PLCE1: variants seen among roughly 807,000 people sequenced by gnomAD.
PLCE1 encodes phospholipase C epsilon 1, also known as 1-phosphatidylinositol 4,5-bisphosphate phosphodiesterase epsilon-1.
In PLCE1, 119 loss-of-function variants were observed where a neutral mutation model predicts 242.8. That is an observed-to-expected ratio of 0.49 (90% CI 0.42 to 0.57). The LOEUF is 0.57. Among genes scored for constraint, PLCE1 ranks in the 20% least tolerant of loss-of-function variants. PLCE1 has a pLI of 0.00. For synonymous variants in PLCE1, 945 were observed against 1,017.4 expected, an observed-to-expected ratio of 0.93 and a Z score of 1.35; for missense variants, 2,441 against 2,788.8, an observed-to-expected ratio of 0.88 and a Z score of 2.81.
chr10:94,260,610 CTATTA>C (rs1272648305), intron 13 of PLCE1, among the ~76,000 whole-genome samples: 6 of 150,820 alleles, frequency 4.0e-5, no homozygotes, highest in African/African-American at 7.3e-5. Flanking sequence ...ATTTTTTGTT[CTATTA>C]TATTTTATTA....
intron 9 of PLCE1, among the ~76,000 whole-genome samples, chr10:94,252,912 T>C (rs999211365): frequency 1.3e-5 from 2 of 152,064 alleles, no homozygotes; most frequent in African/African-American, 4.8e-5. Context: ...GGAGACAGCA[T>C]AGAGGCATAA....
intron 1 of PLCE1, among the ~76,000 whole-genome samples, chr10:94,010,524 G>A (rs2061148708): frequency 6.6e-6 from 1 of 152,098 alleles, no homozygotes; most frequent in South Asian, 2.1e-4. Flanking sequence ...CTACCACATG[G>A]CCAGGCTGTG....
Position 94,283,890 on chromosome 10 carries a change from C to T in PLCE1, c.4896C>T (p.Asn1632=). The part of the protein sequence containing the change: ...EIPKRIKKAD[N]SACNKGKVYD... ...CAAAGAGGATAAAGAAAGCAGATAA[C>T]TCTGCTTGCAACAAAGGAAAGGTGG... Residue 1632 remains asparagine (N), a synonymous_variant, in exon 21 of 33, where the codon AAC becomes AAT. Transcript: ENST00000371380. 5 of 1,611,570 alleles carry T rather than the reference C, an allele frequency of 3.1e-6. No homozygotes were observed. The highest frequency in any genetic ancestry group is 4.2e-6 in the Non-Finnish European group (5 of 1,178,188).
rs1046537351 is a variant in PLCE1, at chr10:94,019,584, A to G, written c.-364-11099A>G. On this transcript the variant is annotated intron_variant, in intron 1 of 32. Transcript: ENST00000371380. ...TTATGCGATGATGGAAATGTTCTCT[A>G]TATCTCCGCTGTCCAATATGTTTGC... Among the ~76,000 whole-genome samples the G allele has an allele frequency of 3.9e-5, 6 of 152,184 alleles. No homozygotes were observed. The South Asian group carries it at 1.2e-3, about 32-fold the overall frequency.
chr10:94,266,207 G>C (rs1340468884), intron 16 of PLCE1, among the ~76,000 whole-genome samples: 1 of 151,920 alleles, frequency 6.6e-6, no homozygotes, highest in Admixed American at 6.6e-5. Context: ...GAAAGTGTTT[G>C]TTTGAGACTC....
At position 94,293,580 on chromosome 10, in the gene PLCE1, A is replaced by T; in HGVS notation, c.5108A>T (p.Asn1703Ile). 6.2e-7 allele frequency: 1 copy of T among 1,614,054 alleles called. No homozygotes were observed. Among genetic ancestry groups the T allele is most frequent in the East Asian group, 2.2e-5 (1 of 44,856 alleles). Residue 1703 changes from asparagine to isoleucine, a missense_variant, in exon 23 of 33, where the codon AAC becomes ATC. By Grantham distance (149) the Asn-to-Ile change is moderately radical. Coordinates refer to ENST00000371380, the MANE Select transcript of PLCE1 (RefSeq NM_016341.4). ...AAAAGCAGGAAGTCCATTTTTGGCA[A>T]CAATCCGGGCAGAATGAGCCCAGGG... ...ERKSRKSIFG[N>I]NPGRMSPGET...
intron 2 of PLCE1, chr10:94,106,031 T>C (rs1010220438): frequency 6.6e-6 from 1 of 152,238 alleles, no homozygotes; most frequent in Admixed American, 6.5e-5. Context: ...CTCTCTATGA[T>C]CACACTTTTA....
Position 94,227,333 on chromosome 10 carries a change from C to T in PLCE1, c.1837C>T (p.Leu613Phe), listed in dbSNP as rs1208771113. Reference sequence around the variant, plus strand: ...GAGCTCCTGGGTGACATGGCTGATCCTCACGGCAGGCTCCATGGAGGAGAA... The same window carrying T: ...GAGCTCCTGGGTGACATGGCTGATCTTCACGGCAGGCTCCATGGAGGAGAA... ...EVSSWVTWLI[L>F]TAGSMEEKRE... The change falls in exon 5 of 33, where the codon CTC (leucine) becomes TTC (phenylalanine). Residue 613 changes from leucine (L) to phenylalanine (F), a missense_variant. Around this residue, in one of 5 missense-constraint regions of PLCE1, gnomAD observed 733 missense variants for 754.2 expected, o/e 0.97. Transcript: ENST00000371380. The T allele has an allele frequency of 6.2e-7, 1 of 1,614,002 alleles. No homozygotes were observed. Among genetic ancestry groups the T allele is most frequent in the African/African-American group, 1.3e-5 (1 of 74,936 alleles).
At chr10:94,326,519 A>G (rs2054021615) in intron 32 of PLCE1, among the ~76,000 whole-genome samples, 1 of 152,232 alleles carries the variant, frequency 6.6e-6, no homozygotes, top group African/African-American at 2.4e-5. Flanking sequence ...TTCTGTAATG[A>G]GGTGAAATTA....
intron 1 of PLCE1, among the ~76,000 whole-genome samples, chr10:94,023,950 T>G (rs1157852434): frequency 3.9e-5 from 6 of 152,114 alleles, no homozygotes; most frequent in African/African-American, 1.4e-4. Flanking sequence ...GGGAATGTTT[T>G]AAGAGGTTTG....
intron 3 of PLCE1, among the ~76,000 whole-genome samples, chr10:94,157,820 AGT>A (rs1382995553): frequency 1.3e-5 from 2 of 152,338 alleles, no homozygotes; most frequent in African/African-American, 4.8e-5. Flanking sequence ...CCTTCGAGTC[AGT>A]GTAGGCTGGT....
rs757818094 is a variant in PLCE1 at position 94,227,294 on chromosome 10, T to G, written c.1810-12T>G. 13 of 1,613,556 alleles carry G rather than the reference T, an allele frequency of 8.1e-6. 1 individual carries two copies. The South Asian group carries it at 1.4e-4, about 18-fold the overall frequency. ...GACATAATTCCCGTGAATGTCTCTG[T>G]GTGTTTTCCAGGTGAGCTCCTGGGT... On this transcript the variant is annotated splice_polypyrimidine_tract_variant and intron_variant, in intron 4 of 32. Transcript: ENST00000371380.
intron 2 of PLCE1, among the ~76,000 whole-genome samples, chr10:94,110,691 G>A (rs888705070): frequency 6.6e-6 from 1 of 152,182 alleles, no homozygotes; most frequent in Non-Finnish European, 1.5e-5. Context: ...GTGATCTTTT[G>A]CTTTTCTTTA....
At chr10:94,307,067 G>C (rs537958422) in intron 26 of PLCE1, among the ~76,000 whole-genome samples, 1 of 152,136 alleles carries the variant, frequency 6.6e-6, no homozygotes, top group African/African-American at 2.4e-5. Context: ...AGTTGGAGTC[G>C]GTGCCTGGCA....
chr10:94,000,466 A>C (rs973032941), intron 1 of PLCE1, among the ~76,000 whole-genome samples: 2 of 152,228 alleles, frequency 1.3e-5, no homozygotes, highest in African/African-American at 4.8e-5. Context: ...CTCATGTCGG[A>C]GGCTTAGAAC....
intron 1 of PLCE1, among the ~76,000 whole-genome samples, chr10:94,004,288 G>A (rs918068496): frequency 3.9e-5 from 6 of 152,154 alleles, no homozygotes; most frequent in African/African-American, 1.4e-4. Flanking sequence ...CTTTTCTGGA[G>A]TAAAACATTA....
At chr10:94,188,447 AT>A (rs2048551261) in intron 4 of PLCE1, among the ~76,000 whole-genome samples, 2 of 152,294 alleles carry the variant, frequency 1.3e-5, no homozygotes, top group South Asian at 4.1e-4. Flanking sequence ...TTTCACATAC[AT>A]TATGACATTA....
intron 3 of PLCE1, among the ~76,000 whole-genome samples, chr10:94,141,369 C>A (rs561235621): frequency 3.2e-4 from 48 of 152,254 alleles, no homozygotes; most frequent in African/African-American, 1.1e-3. Flanking sequence ...CTCTTATGTG[C>A]CCTAATTTTG....
intron 23 of PLCE1, among the ~76,000 whole-genome samples, chr10:94,293,963 C>G (rs193117909): frequency 4.5e-4 from 68 of 151,908 alleles, no homozygotes; most frequent in African/African-American, 1.6e-3. Flanking sequence ...AAAAAGTAGC[C>G]GGGTGTGGTA....
Sources: gnomAD v4.1 joint callset for allele counts (sites outside exome capture counted in the v4.1 genomes callset) on GRCh38, gnomAD v4.1.1 for gene constraint, gnomAD v4.1.1 regional missense constraint, MANE v1.5 for transcripts, NCBI Gene and HGNC (gene_info 2026-07-23, HGNC 2026-07-21) for gene names.